Variants in PPP1R9A observed in about 807,000 individuals in gnomAD.
PPP1R9A encodes protein phosphatase 1 regulatory subunit 9A, also known as neurabin-1.
In PPP1R9A, 59 loss-of-function variants were observed where a neutral mutation model predicts 141.9. The observed-to-expected ratio is 0.42, with a 90% CI of 0.34 to 0.52. The LOEUF is 0.52. Among genes scored for constraint, PPP1R9A ranks in the 20% least tolerant of loss-of-function variants. PPP1R9A has a pLI of 0.10. For missense variants in PPP1R9A, 1,444 were observed against 1,611.9 expected (o/e 0.90, Z 1.78); for synonymous variants, 500 against 569.7 (o/e 0.88, Z 1.74).
At chr7:94,989,316 A>G (rs1367897763) in intron 2 of PPP1R9A, among the ~76,000 whole-genome samples, 1 of 152,114 alleles carries the variant, frequency 6.6e-6, no homozygotes, top group Non-Finnish European at 1.5e-5. Flanking sequence ...CTAGTCAGAT[A>G]TTATAAACAG....
chr7:94,937,988 G>T (rs1321491777), intron 2 of PPP1R9A, among the ~76,000 whole-genome samples: 1 of 152,152 alleles, frequency 6.6e-6, no homozygotes, highest in East Asian at 1.9e-4. Context: ...ATCTTGAGGG[G>T]AGCTGGGCTG....
chr7:94,921,373 G>C (rs1562994215), intron 2 of PPP1R9A, among the ~76,000 whole-genome samples: 1 of 151,808 alleles, frequency 6.6e-6, no homozygotes, highest in African/African-American at 2.4e-5. Flanking sequence ...CGTGAACCCG[G>C]GAGGCGGAAG....
At chr7:94,953,806 T>C (rs1259498419) in intron 2 of PPP1R9A, among the ~76,000 whole-genome samples, 3 of 152,178 alleles carry the variant, frequency 2.0e-5, no homozygotes, top group African/African-American at 7.2e-5. Context: ...GGCAGATTGA[T>C]TTTTTATCCT....
At chr7:95,190,927 T>C (rs1183672614) in intron 5 of PPP1R9A, among the ~76,000 whole-genome samples, 1 of 152,208 alleles carries the variant, frequency 6.6e-6, no homozygotes, top group East Asian at 1.9e-4. Flanking sequence ...TAATTCCACA[T>C]TGAGAGTTTT....
intron 8 of PPP1R9A, among the ~76,000 whole-genome samples, chr7:95,234,520 A>T (rs536026256): frequency 6.6e-6 from 1 of 152,342 alleles, no homozygotes; most frequent in African/African-American, 2.4e-5. Flanking sequence ...TGCTGAAAGA[A>T]ATCATAGACG....
At chr7:95,103,340 T>C (rs1462780533) in intron 2 of PPP1R9A, among the ~76,000 whole-genome samples, 1 of 149,844 alleles carries the variant, frequency 6.7e-6, no homozygotes, top group Non-Finnish European at 1.5e-5. Flanking sequence ...TTATATAGAG[T>C]ATGTTTGGTT....
chr7:94,951,472 T>C (rs1796469778), intron 2 of PPP1R9A, among the ~76,000 whole-genome samples: 1 of 152,138 alleles, frequency 6.6e-6, no homozygotes, highest in Non-Finnish European at 1.5e-5. Context: ...TCATTGAACT[T>C]TTAAAATACA....
chr7:95,125,832 T>C (rs1291988055), intron 4 of PPP1R9A, among the ~76,000 whole-genome samples: 1 of 152,202 alleles, frequency 6.6e-6, no homozygotes, highest in Non-Finnish European at 1.5e-5. Flanking sequence ...TTTAATTGTT[T>C]TTTTTCACAT....
chr7:95,139,273 G>A (rs1233789330), intron 4 of PPP1R9A, among the ~76,000 whole-genome samples: 1 of 151,912 alleles, frequency 6.6e-6, no homozygotes. Flanking sequence ...AGCGAAGGGG[G>A]AAGCCCTATA....
At chr7:94,994,510 C>A (rs1197669047) in intron 2 of PPP1R9A, among the ~76,000 whole-genome samples, 1 of 152,006 alleles carries the variant, frequency 6.6e-6, no homozygotes, top group Non-Finnish European at 1.5e-5. Context: ...TGATGAAGTT[C>A]CTTTCTATTC....
chr7:95,218,552 A>G (rs969449725), intron 7 of PPP1R9A, among the ~76,000 whole-genome samples: 10 of 152,058 alleles, frequency 6.6e-5, no homozygotes, highest in Non-Finnish European at 1.3e-4. Context: ...TGATCTGTCT[A>G]ATGTTGACAG....
At chr7:95,213,841 A>G (rs1490372844) in intron 7 of PPP1R9A, among the ~76,000 whole-genome samples, 3 of 152,194 alleles carry the variant, frequency 2.0e-5, no homozygotes, top group Admixed American at 1.3e-4. Context: ...AGAAGAAATC[A>G]GGCTGCACCT....
At chr7:95,220,650 A>G (rs1430650211) in intron 7 of PPP1R9A, among the ~76,000 whole-genome samples, 1 of 152,124 alleles carries the variant, frequency 6.6e-6, no homozygotes, top group African/African-American at 2.4e-5. Flanking sequence ...ATGCCAAGCA[A>G]TGTACTAGCC....
At chr7:95,085,930 A>G (rs1377715904) in intron 2 of PPP1R9A, among the ~76,000 whole-genome samples, 2 of 151,810 alleles carry the variant, frequency 1.3e-5, no homozygotes, top group Non-Finnish European at 2.9e-5. Flanking sequence ...TTTGCTTTTC[A>G]GTTTGTCTTC....
At chr7:95,100,424 T>C (rs1402694794) in intron 2 of PPP1R9A, among the ~76,000 whole-genome samples, 1 of 152,202 alleles carries the variant, frequency 6.6e-6, no homozygotes, top group Non-Finnish European at 1.5e-5. Context: ...CCAAATAATA[T>C]AAGAAGAATA....
chr7:95,276,832 G>A (rs1054190958), intron 16 of PPP1R9A, among the ~76,000 whole-genome samples: 2 of 152,136 alleles, frequency 1.3e-5, no homozygotes, highest in African/African-American at 4.8e-5. Context: ...TATAGTAATT[G>A]GTTAACACTA....
At chr7:95,058,796 C>CT (rs112212327) in intron 2 of PPP1R9A, among the ~76,000 whole-genome samples, 2,013 of 145,786 alleles carry the variant, frequency 0.014, 18 homozygotes, top group African/African-American at 0.023. Context: ...CTTTTCTTTT[C>CT]TTTTTTTTTT....
chr7:95,235,848 C>A (rs1347985518), intron 8 of PPP1R9A, among the ~76,000 whole-genome samples: 1 of 152,114 alleles, frequency 6.6e-6, no homozygotes, highest in Non-Finnish European at 1.5e-5. Context: ...TTCACAGCAA[C>A]CTGGATGGAA....
chr7:95,239,786 A>G (rs1797190178), intron 8 of PPP1R9A, among the ~76,000 whole-genome samples: 1 of 151,846 alleles, frequency 6.6e-6, no homozygotes, highest in Admixed American at 6.6e-5. Flanking sequence ...AATATTAAAA[A>G]TGAAATTAAA....
Sources: gnomAD v4.1 joint callset for allele counts (sites outside exome capture counted in the v4.1 genomes callset) on GRCh38, gnomAD v4.1.1 for gene constraint, MANE v1.5 for transcripts, NCBI Gene and HGNC (gene_info 2026-07-23, HGNC 2026-07-21) for gene names.